The following ETAA1 variants were observed in gnomAD, a reference collection of about 807,000 sequenced individuals.
ETAA1 encodes ETAA1 activator of ATR kinase.
In ETAA1, 49 loss-of-function variants were observed where a neutral mutation model predicts 76.8. The ratio of observed to expected loss-of-function variants is 0.64; its 90% CI spans 0.51 to 0.81. The LOEUF is 0.81. Ranked by LOEUF, ETAA1 falls within the 30% of genes least tolerant of loss-of-function variation. The pLI is 0.00. For synonymous variants in ETAA1, 373 were observed against 372.2 expected, an observed-to-expected ratio of 1.00 and a Z score of -0.03; for missense variants, 1,099 against 1,074.0, an observed-to-expected ratio of 1.02 and a Z score of -0.32.
chr2:67,399,509 T>C (rs968513872), intron 2 of ETAA1, 41 bp from the exon 3 acceptor site: 1 of 1,480,800 alleles, frequency 6.8e-7, no homozygotes, highest in Non-Finnish European at 9.3e-7. Context: ...AAATGGAGGG[T>C]TTTTTGTTTA....
At chr2:67,399,354 T>C in intron 2 of ETAA1, 57 bp downstream of exon 2, 1 of 1,479,568 alleles carries the variant, frequency 6.8e-7, no homozygotes, top group Non-Finnish European at 9.3e-7. Flanking sequence ...GATTCAGATT[T>C]AACTAGAATT....
intron 5 of ETAA1, among the ~76,000 whole-genome samples, chr2:67,408,336 A>G (rs1369063461): frequency 6.6e-6 from 1 of 152,166 alleles, no homozygotes; most frequent in East Asian, 1.9e-4. Context: ...GAAAAAAATT[A>G]AAAGGAGAAT....
chr2:67,401,224 G>A (rs931033012), intron 3 of ETAA1: 1 of 151,986 alleles, frequency 6.6e-6, no homozygotes, highest in African/African-American at 2.4e-5. Context: ...CTTAAACTGA[G>A]TACTTTTAAA....
At chr2:67,399,140 A>C in intron 1 of ETAA1, 29 bp from the exon 2 acceptor site, 1 of 1,595,322 alleles carries the variant, frequency 6.3e-7, no homozygotes, top group Non-Finnish European at 8.5e-7. Flanking sequence ...AAAATGCAAC[A>C]ATTGTTATTT....
At position 67,397,640 on chromosome 2, in the gene ETAA1, C is replaced by T; in HGVS notation, c.192C>T (p.Thr64=). The change falls in exon 1 of 6, where the codon ACC becomes ACT. Residue 64 remains threonine, a synonymous_variant. Coordinates refer to ENST00000272342, the MANE Select transcript of ETAA1 (RefSeq NM_019002.4). ...TGCGGCAGCGAGAGCAGCCTCCGACCGCCGCCCTGTGCAGTAAAAGTAACC... is the reference window on the plus strand; with the variant it reads ...TGCGGCAGCGAGAGCAGCCTCCGACTGCCGCCCTGTGCAGTAAAAGTAACC... ...GPVRQREQPP[T]AALCSKSNPE... The T allele has an allele frequency of 6.5e-7, 1 of 1,547,086 alleles. No individual in the cohort carries two copies. Among genetic ancestry groups the T allele is most frequent in the South Asian group, 1.2e-5 (1 of 83,934 alleles).
Position 67,410,037 on chromosome 2 carries a change from A to C in ETAA1, c.2780A>C (p.Ter927SerextTer1). The change falls in exon 6 of 6, where the codon TAA becomes TCA. Residue 927 changes from the stop codon to serine (S), a stop_lost. Coordinates refer to ENST00000272342, the MANE Select transcript of ETAA1 (RefSeq NM_019002.4). ...SVNAAPTSFL[*>S] The stretch of plus-strand genomic sequence containing the variant: ...AATGCAGCTCCCACTTCATTTCTTT[A>C]ATGAAATATTAGTTGGAAGACTTCA... 1 of 1,600,584 alleles carries C rather than the reference A, an allele frequency of 6.2e-7. No homozygotes were observed. The highest frequency in any genetic ancestry group is 1.1e-5 in the South Asian group (1 of 87,706).
intron 1 of ETAA1, among the ~76,000 whole-genome samples, chr2:67,398,208 G>A (rs1675941514): frequency 6.7e-6 from 1 of 148,432 alleles, no homozygotes; most frequent in Non-Finnish European, 1.5e-5. Flanking sequence ...GTCTCGATTA[G>A]TTTTAGGTGT....
chr2:67,397,782 T>C (rs886171226), intron 1 of ETAA1, 111 bp downstream of exon 1: 2 of 1,125,690 alleles, frequency 1.8e-6, no homozygotes, highest in African/African-American at 1.5e-5. Flanking sequence ...GTATTCTGTC[T>C]CTGGGATTCA....
chr2:67,404,976 G>A lies in ETAA1; in HGVS notation c.2294G>A (p.Ser765Asn), dbSNP rs1357236465. 6.2e-6 allele frequency: 10 copies of A among 1,612,728 alleles called. No individual in the cohort carries two copies. Among genetic ancestry groups the A allele is most frequent in the Non-Finnish European group, 8.5e-6 (10 of 1,179,228 alleles). Residue 765 changes from serine (S) to asparagine (N), a missense_variant, in exon 5 of 6, where the codon AGT (serine) becomes AAT (asparagine). Physicochemically the swap from Ser to Asn is conservative, Grantham distance 46 (BLOSUM62 1). Coordinates refer to ENST00000272342, the MANE Select transcript of ETAA1 (RefSeq NM_019002.4). ...TNTDVPIQVN[S>N]SKLVLPGSSS... ...ACTGATGTTCCAATACAAGTGAATA[G>A]TTCCAAATTGGTTCTTCCAGGAAGT...
chr2:67,403,378 A>C lies in ETAA1; in HGVS notation c.696A>C (p.Lys232Asn). 1 of 1,604,476 alleles carries C rather than the reference A, an allele frequency of 6.2e-7. No homozygotes were observed. Among genetic ancestry groups the C allele is most frequent in the Non-Finnish European group, 8.5e-7 (1 of 1,172,558 alleles). The change falls in exon 5 of 6, where the codon AAA becomes AAC. Residue 232 changes from lysine (K) to asparagine (N), a missense_variant. Physicochemically the swap from Lys to Asn is moderately conservative, Grantham distance 94. Transcript: ENST00000272342. ...AAACAGAGATTTTAAGTAATTATAAAGATAATATACAGATGTGGTCATTAC... is the reference window on the plus strand; with the variant it reads ...AAACAGAGATTTTAAGTAATTATAACGATAATATACAGATGTGGTCATTAC... The part of the protein sequence containing the change: ...ISETEILSNY[K>N]DNIQMWSLHN...
rs766962479 is a variant in ETAA1, at chr2:67,411,370, A to G, written c.*1332A>G. The G allele has an allele frequency of 6.6e-6, 1 of 152,096 alleles. No individual in the cohort carries two copies. The highest frequency in any genetic ancestry group is 1.5e-5 in the Non-Finnish European group (1 of 68,002). 9.4% of individuals were successfully genotyped at this position (152,096 alleles called of 1,614,324 possible). On this transcript the variant is annotated 3_prime_UTR_variant, in exon 6 of 6. Transcript: ENST00000272342. The stretch of plus-strand genomic sequence containing the variant: ...CAACTTACCGTGTAGTTACATCCCA[A>G]TAAACCCATCATGAGTTGAAAATAC...
In ETAA1 at chr2:67,411,110, TG is replaced by T. The variant is rs1464123893; in HGVS notation, c.*1073del. ...CATCTTTTCTTCTCTATTACTGTTT[TG>T]TTTTTTTCTTTTTTTGCCATTTTGC... is the stretch of plus-strand genomic sequence containing the variant. On this transcript the variant is annotated 3_prime_UTR_variant, in exon 6 of 6. Coordinates refer to ENST00000272342, the MANE Select transcript of ETAA1 (RefSeq NM_019002.4). 1 of 151,850 alleles carries T rather than the reference TG, an allele frequency of 6.6e-6. No individual in the cohort carries two copies. Among genetic ancestry groups the T allele is most frequent in the Non-Finnish European group, 1.5e-5 (1 of 67,978 alleles). The allele number at this position is 151,850 out of a possible 1,614,324, so 9.4% of individuals were successfully genotyped here. A position where few individuals can be genotyped will look rare whatever the true frequency, so the allele number is the denominator to read the frequency against.
At position 67,405,313 on chromosome 2, in the gene ETAA1, A is replaced by T; in HGVS notation, c.2631A>T (p.Glu877Asp). ...VGQQSLVKLS[E>D]SLKQSSKEEE... ...AGCAATCTTTGGTGAAACTTTCTGA[A>T]TCTTTGAAACAATCTTCAAAAGGTA... The change falls in exon 5 of 6, where the codon GAA becomes GAT. Residue 877 changes from glutamate (E) to aspartate (D), a missense_variant. By Grantham distance (45) the Glu-to-Asp change is conservative. This residue lies in a region of ETAA1 where 302 missense variants were observed against 278.1 expected (regional missense o/e 1.09). Coordinates refer to ENST00000272342, the MANE Select transcript of ETAA1 (RefSeq NM_019002.4). 6.5e-7 allele frequency: 1 copy of T among 1,546,000 alleles called. No individual in the cohort carries two copies.
intron 3 of ETAA1, chr2:67,401,850 G>A (rs1338695185): frequency 6.6e-6 from 1 of 151,878 alleles, no homozygotes; most frequent in Non-Finnish European, 1.5e-5. Context: ...CTAGGTTCAA[G>A]TTGACATTAA....
At chr2:67,403,165 A>G (rs1366200823) in intron 4 of ETAA1, 60 bp from the exon 5 acceptor site, 2 of 1,243,214 alleles carry the variant, frequency 1.6e-6, no homozygotes. Flanking sequence ...AATATGTTAA[A>G]TAACAGTTGG....
Position 67,411,534 on chromosome 2 carries a change from T to G in ETAA1, c.*1496T>G, listed in dbSNP as rs974868662. 1 of 152,096 alleles carries G rather than the reference T, an allele frequency of 6.6e-6. No homozygotes were observed. Among genetic ancestry groups the G allele is most frequent in the Non-Finnish European group, 1.5e-5 (1 of 68,016 alleles). 9.4% of individuals were successfully genotyped at this position (152,096 alleles called of 1,614,324 possible). On this transcript the variant is annotated 3_prime_UTR_variant, in exon 6 of 6. Transcript: ENST00000272342. ...TGGCAATACGGCACACTGTAGAGTA[T>G]CAGTTGAGCTGATGCCCAGCATCGT...
In ETAA1 at chr2:67,399,183, C is replaced by T; in HGVS notation, c.238C>T (p.Pro80Ser). The T allele has an allele frequency of 6.2e-7, 1 of 1,612,250 alleles. No individual in the cohort carries two copies. Among genetic ancestry groups the T allele is most frequent in the South Asian group, 1.1e-5 (1 of 90,636 alleles). The change falls in exon 2 of 6, where the codon CCA becomes TCA. Residue 80 changes from proline to serine, a missense_variant. Pro to Ser is a moderately conservative substitution (Grantham distance 74). Coordinates refer to ENST00000272342, the MANE Select transcript of ETAA1 (RefSeq NM_019002.4). ...ATTTTATATAGAAAGGTATGAAACACCAAAGAGAGCGCTGAAAATGGACTC... is the reference window on the plus strand; with the variant it reads ...ATTTTATATAGAAAGGTATGAAACATCAAAGAGAGCGCTGAAAATGGACTC... ...KSNPEERYET[P>S]KRALKMDSLS...
At position 67,397,682 on chromosome 2, in the gene ETAA1, G is replaced by C; in HGVS notation, c.223+11G>C. ...AAAGTAACCCCGAGGGTGAGACGTCGGCAGCGCGGCCTGCCTTGGCTTCGG... is the reference window on the plus strand; with the variant it reads ...AAAGTAACCCCGAGGGTGAGACGTCCGCAGCGCGGCCTGCCTTGGCTTCGG... On this transcript the variant is annotated intron_variant, in intron 1 of 5. Coordinates refer to ENST00000272342, the MANE Select transcript of ETAA1 (RefSeq NM_019002.4). The C allele has an allele frequency of 6.5e-7, 1 of 1,544,990 alleles. No homozygotes were observed. The highest frequency in any genetic ancestry group is 8.7e-7 in the Non-Finnish European group (1 of 1,146,606).
In ETAA1 at chr2:67,403,965, C is replaced by T; in HGVS notation, c.1283C>T (p.Ser428Leu). Residue 428 changes from serine to leucine, a missense_variant, in exon 5 of 6, where the codon TCA (serine) becomes TTA (leucine). Ser to Leu is a moderately radical substitution (Grantham distance 145). Coordinates refer to ENST00000272342, the MANE Select transcript of ETAA1 (RefSeq NM_019002.4). ...TFNSKTVKNT[S>L]RANTSPDARL... ...AATAGTAAAACTGTTAAAAATACGT[C>T]AAGAGCAAATACAAGTCCAGATGCC... The T allele has an allele frequency of 1.2e-6, 2 of 1,608,824 alleles. No individual in the cohort carries two copies. The highest frequency in any genetic ancestry group is 1.7e-6 in the Non-Finnish European group (2 of 1,178,198).
Sources: gnomAD v4.1 joint callset for allele counts (sites outside exome capture counted in the v4.1 genomes callset) on GRCh38, gnomAD v4.1.1 for gene constraint, gnomAD v4.1.1 regional missense constraint, MANE v1.5 for transcripts, NCBI Gene and HGNC (gene_info 2026-07-23, HGNC 2026-07-21) for gene names.